The following R3HDM1 variants were observed in gnomAD, a reference collection of about 807,000 sequenced individuals.
The protein encoded by R3HDM1 is R3H domain containing 1, also known as R3H domain-containing protein 1.
In R3HDM1, 46 loss-of-function variants were observed where a neutral mutation model predicts 141.1. The ratio of observed to expected loss-of-function variants is 0.33; its 90% CI spans 0.26 to 0.42. R3HDM1 has a LOEUF of 0.42. Among genes scored for constraint, R3HDM1 ranks in the 10% least tolerant of loss-of-function variants. The pLI, the probability that R3HDM1 is intolerant of heterozygous loss-of-function variation, is 1.00. For missense variants in R3HDM1, 1,184 were observed against 1,368.3 expected (o/e 0.87, Z 2.12); for synonymous variants, 435 against 472.9 (o/e 0.92, Z 1.04).
chr2:135,609,695 G>A (rs761778167), intron 3 of R3HDM1, among the ~76,000 whole-genome samples: 1 of 152,080 alleles, frequency 6.6e-6, no homozygotes, highest in Non-Finnish European at 1.5e-5. Context: ...ATAACTCACC[G>A]ATGGGTTTCC....
chr2:135,581,494 C>A, intron 1 of R3HDM1: 1 of 732,670 alleles, frequency 1.4e-6, no homozygotes, highest in Non-Finnish European at 1.7e-6. Context: ...TGACTAATAC[C>A]ACAATCTTTC....
chr2:135,724,321 G>A lies in R3HDM1; in HGVS notation c.*29G>A, dbSNP rs761901038. 57 of 1,496,718 alleles carry A rather than the reference G, an allele frequency of 3.8e-5. No individual in the cohort carries two copies. The highest frequency in any genetic ancestry group is 1.1e-4 in the African/African-American group (8 of 71,952). The allele number at this position is 1,496,718 out of a possible 1,614,324, so 92.7% of individuals were successfully genotyped here. A position where few individuals can be genotyped will look rare whatever the true frequency, so the allele number is the denominator to read the frequency against. On this transcript the variant is annotated 3_prime_UTR_variant, in exon 27 of 27. Coordinates refer to ENST00000683871, the MANE Select transcript of R3HDM1 (RefSeq NM_001378107.1). ...CCACCTTTGGACCCTTCGCCTTTATGGTTCCCCTGCCCTCTCCCATCTTTG... is the reference window on the plus strand; with the variant it reads ...CCACCTTTGGACCCTTCGCCTTTATAGTTCCCCTGCCCTCTCCCATCTTTG...
At chr2:135,700,464 C>A (rs1290319283) in intron 21 of R3HDM1, among the ~76,000 whole-genome samples, 1 of 152,174 alleles carries the variant, frequency 6.6e-6, no homozygotes, top group Non-Finnish European at 1.5e-5. Flanking sequence ...GAGCACATGT[C>A]TATTAAGTAA....
intron 11 of R3HDM1, among the ~76,000 whole-genome samples, chr2:135,638,323 AC>A (rs1331863648): frequency 6.6e-6 from 1 of 152,172 alleles, no homozygotes; most frequent in Non-Finnish European, 1.5e-5. Context: ...TCCTATATAT[AC>A]CTTGAATATA....
chr2:135,609,989 A>AG (rs1462993767), intron 3 of R3HDM1, among the ~76,000 whole-genome samples: 1 of 152,106 alleles, frequency 6.6e-6, no homozygotes, highest in Non-Finnish European at 1.5e-5. Flanking sequence ...GGTTGCAGTG[A>AG]GCTGAAACCG....
chr2:135,702,641 CT>C (rs2074380930), intron 21 of R3HDM1, among the ~76,000 whole-genome samples: 1 of 145,538 alleles, frequency 6.9e-6, no homozygotes, highest in African/African-American at 2.6e-5. Flanking sequence ...CAGAGCAAGA[CT>C]CCGTCTCAAA....
chr2:135,667,642 G>A (rs903163006), intron 19 of R3HDM1: 2 of 976,270 alleles, frequency 2.0e-6, no homozygotes, highest in Non-Finnish European at 2.4e-6. Flanking sequence ...TGGTAGCCAA[G>A]TTGGAGTCGG....
chr2:135,717,882 G>A lies in R3HDM1; in HGVS notation c.2881+2188G>A, dbSNP rs116528429. Among the ~76,000 whole-genome samples the A allele has an allele frequency of 3.8e-3, 584 of 152,238 alleles. 2 individuals are homozygous for A. The highest frequency in any genetic ancestry group is 0.013 in the African/African-American group (532 of 41,526). On this transcript the variant is annotated intron_variant, in intron 24 of 26. Coordinates refer to ENST00000683871, the MANE Select transcript of R3HDM1 (RefSeq NM_001378107.1). ...AACATGTTCACATAGTCTTGTGTAC[G>A]AACATCTATAGCAACCTTATTTTAT...
chr2:135,609,997 C>T (rs952847221), intron 3 of R3HDM1, among the ~76,000 whole-genome samples: 1 of 151,936 alleles, frequency 6.6e-6, no homozygotes, highest in Non-Finnish European at 1.5e-5. Flanking sequence ...TGAGCTGAAA[C>T]CGTGCCACTC....
chr2:135,667,267 C>T, intron 19 of R3HDM1: 1 of 915,210 alleles, frequency 1.1e-6, no homozygotes, highest in Non-Finnish European at 1.3e-6. Context: ...AGTTCCTGAA[C>T]CATCAGTTTA....
chr2:135,567,976 T>C (rs1283914855), intron 1 of R3HDM1, among the ~76,000 whole-genome samples: 1 of 142,082 alleles, frequency 7.0e-6, no homozygotes, highest in Non-Finnish European at 1.5e-5. Flanking sequence ...GGTCTCGAAC[T>C]CCTGGCCTAA....
At chr2:135,628,113 T>C (rs6761268) in intron 7 of R3HDM1, among the ~76,000 whole-genome samples, 13,684 of 152,232 alleles carry the variant, frequency 0.09, 867 homozygotes, top group South Asian at 0.31. Flanking sequence ...AAGATCAATA[T>C]ACCTTGAGAA....
rs1706032706 is a variant in R3HDM1 at position 135,578,527 on chromosome 2, A to G, written c.-249-23973A>G. Among the ~76,000 whole-genome samples the G allele has an allele frequency of 2.0e-5, 3 of 152,224 alleles. 1 individual carries two copies. In the South Asian group the frequency reaches 6.2e-4, roughly 31 times the overall value. ...TAGTCTCCAGAAATAACATAAAATA[A>G]CTTAGATGTTGGCAAGTGTGGAGAA... On this transcript the variant is annotated intron_variant, in intron 1 of 26. Transcript: ENST00000683871.
intron 21 of R3HDM1, among the ~76,000 whole-genome samples, chr2:135,684,369 G>A (rs76129594): frequency 2.0e-5 from 3 of 152,152 alleles, no homozygotes; most frequent in Non-Finnish European, 2.9e-5. Context: ...GATTACAGGC[G>A]TGAGCCACCG....
chr2:135,652,658 T>C (rs1365594049), intron 18 of R3HDM1, among the ~76,000 whole-genome samples: 1 of 152,226 alleles, frequency 6.6e-6, no homozygotes, highest in Admixed American at 6.5e-5. Context: ...AGCCTTAAAA[T>C]GAGTTGGGCA....
chr2:135,635,133 G>C (rs2063130240), intron 9 of R3HDM1, among the ~76,000 whole-genome samples: 4 of 152,290 alleles, frequency 2.6e-5, no homozygotes, highest in Middle Eastern at 3.4e-3. Flanking sequence ...ACCTGTTCCA[G>C]TTAATGTTAG....
chr2:135,702,984 C>G (rs970372031), intron 21 of R3HDM1, among the ~76,000 whole-genome samples: 1 of 152,248 alleles, frequency 6.6e-6, no homozygotes, highest in Middle Eastern at 3.4e-3. Flanking sequence ...TCTGCTAATA[C>G]GCTGCTTGAT....
At chr2:135,644,275 G>T (rs2064132880) in intron 15 of R3HDM1, among the ~76,000 whole-genome samples, 1 of 152,178 alleles carries the variant, frequency 6.6e-6, no homozygotes, top group Non-Finnish European at 1.5e-5. Context: ...GACCAAGGCG[G>T]GTGGATCACG....
intron 11 of R3HDM1, among the ~76,000 whole-genome samples, chr2:135,638,282 T>C (rs1234846068): frequency 6.6e-6 from 1 of 152,232 alleles, no homozygotes; most frequent in Non-Finnish European, 1.5e-5. Context: ...GGTGATCAAA[T>C]ATTTGTTAAG....
Sources: allele counts gnomAD v4.1 joint callset (sites outside exome capture counted in the v4.1 genomes callset), GRCh38; gene constraint gnomAD v4.1.1; transcripts MANE v1.5; gene names NCBI Gene and HGNC (gene_info 2026-07-23, HGNC 2026-07-21).